HS2ST1: variants seen among roughly 807,000 people sequenced by gnomAD.
HS2ST1 encodes heparan sulfate 2-O-sulfotransferase 1, also known as 2-O-sulfotransferase.
Under a neutral mutation model 42.9 loss-of-function variants are expected in HS2ST1, and 18 were observed. The observed-to-expected ratio is 0.42, with a 90% CI of 0.29 to 0.62. The LOEUF (loss-of-function observed/expected upper bound fraction) is 0.62, where lower values mean the gene tolerates loss of function less well. Among genes scored for constraint, HS2ST1 ranks in the 20% least tolerant of loss-of-function variants. The pLI, the probability that HS2ST1 is intolerant of heterozygous loss-of-function variation, is 0.21. For synonymous variants in HS2ST1, 146 were observed against 152.9 expected (o/e 0.95, Z 0.33); for missense variants, 334 against 433.8 (o/e 0.77, Z 2.04).
At chr1:86,948,001 A>T (rs1042899606) in intron 1 of HS2ST1, among the ~76,000 whole-genome samples, 2 of 152,152 alleles carry the variant, frequency 1.3e-5, no homozygotes, top group Non-Finnish European at 2.9e-5. Flanking sequence ...GAACTTCCAA[A>T]TTTAAACTGT....
rs1233637280 is a variant in HS2ST1 at position 86,914,658 on chromosome 1, G to A, written c.-379G>A. On this transcript the variant is annotated 5_prime_UTR_variant, in exon 1 of 7. Coordinates refer to ENST00000370550, the MANE Select transcript of HS2ST1 (RefSeq NM_012262.4). ...GCGCAGCCGCAGCGCCGGTGGAGGG[G>A]CGCGCGGCCGCGAGCAAAGGAGGGA... The A allele has an allele frequency of 4.5e-6, 1 of 221,626 alleles. No individual in the cohort carries two copies. The highest frequency in any genetic ancestry group is 9.0e-6 in the Non-Finnish European group (1 of 110,674). The allele number at this position is 221,626 out of a possible 1,614,324, so 13.7% of individuals were successfully genotyped here.
At position 87,107,532 on chromosome 1, in the gene HS2ST1, C is replaced by T. The variant is rs1277351482; in HGVS notation, c.*2836C>T. 3 of 150,436 alleles carry T rather than the reference C, an allele frequency of 2.0e-5. No individual in the cohort carries two copies. Among genetic ancestry groups the T allele is most frequent in the Non-Finnish European group, 3.0e-5 (2 of 67,548 alleles). The allele number at this position is 150,436 out of a possible 1,614,324, so 9.3% of individuals were successfully genotyped here. ...GCAAATGTGGTTTTCTTTTTTCAGC[C>T]TTTGCGCTTTTTCAGTATTTTGACC... is the stretch of plus-strand genomic sequence containing the variant. On this transcript the variant is annotated 3_prime_UTR_variant, in exon 7 of 7. Coordinates refer to ENST00000370550, the MANE Select transcript of HS2ST1 (RefSeq NM_012262.4).
chr1:87,028,351 A>G (rs1650141206), intron 1 of HS2ST1, among the ~76,000 whole-genome samples: 1 of 152,208 alleles, frequency 6.6e-6, no homozygotes, highest in African/African-American at 2.4e-5. Context: ...CCTTCAAATA[A>G]TTTATGTTTT....
At chr1:86,994,149 T>C (rs754073561) in intron 1 of HS2ST1, among the ~76,000 whole-genome samples, 2 of 152,210 alleles carry the variant, frequency 1.3e-5, no homozygotes, top group Admixed American at 6.5e-5. Context: ...TGAAGCATCA[T>C]TGTACATTTA....
rs1652351918 is a variant in HS2ST1 at position 87,107,460 on chromosome 1, A to G, written c.*2764A>G. On this transcript the variant is annotated 3_prime_UTR_variant, in exon 7 of 7. Transcript: ENST00000370550. ...TAGGAGTCATAATACTTTATAATCA[A>G]TTAAATAAATAGAACCACTGAGACA... 1.3e-5 allele frequency: 2 copies of G among 152,040 alleles called. No homozygotes were observed. Among genetic ancestry groups the G allele is most frequent in the African/African-American group, 2.4e-5 (1 of 41,426 alleles). 9.4% of individuals were successfully genotyped at this position (152,040 alleles called of 1,614,324 possible).
chr1:87,069,044 A>C (rs565520862), intron 1 of HS2ST1, among the ~76,000 whole-genome samples: 1 of 152,196 alleles, frequency 6.6e-6, no homozygotes, highest in African/African-American at 2.4e-5. Context: ...GAAATAGATT[A>C]TCACAAACAT....
At chr1:86,944,542 A>G (rs148852807) in intron 1 of HS2ST1, among the ~76,000 whole-genome samples, 3,312 of 151,864 alleles carry the variant, frequency 0.022, 43 homozygotes, top group South Asian at 0.053. Context: ...TTTAGTAGAG[A>G]TGGGGTTTCA....
At chr1:86,932,103 G>A (rs1176281568) in intron 1 of HS2ST1, 1 of 151,956 alleles carries the variant, frequency 6.6e-6, no homozygotes, top group African/African-American at 2.4e-5. Flanking sequence ...GGATTAAGTT[G>A]AGTATTATAA....
rs527656142 is a variant in HS2ST1 at position 87,098,860 on chromosome 1, C to T, written c.686+925C>T. Among the ~76,000 whole-genome samples the T allele has an allele frequency of 2.6e-5, 4 of 152,314 alleles. No homozygotes were observed. In the South Asian group the frequency reaches 8.3e-4, roughly 32 times the overall value. ...GCAGGGGCACAATCTTGGCTCACTG[C>T]AACCTCCGCCTCCTGGGTTCACAAT... On this transcript the variant is annotated intron_variant, in intron 5 of 6. Transcript: ENST00000370550.
chr1:87,059,507 G>A (rs1651064842), intron 1 of HS2ST1, among the ~76,000 whole-genome samples: 1 of 152,280 alleles, frequency 6.6e-6, no homozygotes, highest in Non-Finnish European at 1.5e-5. Flanking sequence ...GGGATGATGA[G>A]ATTAATGTCT....
At chr1:87,027,010 G>A (rs2100592325) in intron 1 of HS2ST1, among the ~76,000 whole-genome samples, 2 of 152,276 alleles carry the variant, frequency 1.3e-5, no homozygotes, top group East Asian at 3.9e-4. Flanking sequence ...GTCTGAAGCA[G>A]ACTGTTGTAT....
chr1:86,981,746 G>T (rs1482076896), intron 1 of HS2ST1, among the ~76,000 whole-genome samples: 1 of 152,196 alleles, frequency 6.6e-6, no homozygotes, highest in Non-Finnish European at 1.5e-5. Context: ...CTGCTTTCCT[G>T]GGCTGGCATT....
At chr1:87,015,029 T>C (rs1199730157) in intron 1 of HS2ST1, among the ~76,000 whole-genome samples, 1 of 137,732 alleles carries the variant, frequency 7.3e-6, no homozygotes, top group African/African-American at 2.7e-5. Flanking sequence ...TAGCAGTAAC[T>C]TTGTGGGGTT....
intron 1 of HS2ST1, among the ~76,000 whole-genome samples, chr1:87,033,687 C>T (rs181905187): frequency 1.4e-3 from 210 of 152,136 alleles, no homozygotes; most frequent in South Asian, 4.8e-3. Flanking sequence ...GGATTACAGG[C>T]GCCTGCCACC....
chr1:87,077,571 G>A (rs1651577682), intron 2 of HS2ST1, among the ~76,000 whole-genome samples: 1 of 152,028 alleles, frequency 6.6e-6, no homozygotes, highest in Non-Finnish European at 1.5e-5. Flanking sequence ...GTCTTCTCTG[G>A]TACTAATCAG....
At chr1:87,063,228 G>C (rs1651161226) in intron 1 of HS2ST1, among the ~76,000 whole-genome samples, 1 of 152,034 alleles carries the variant, frequency 6.6e-6, no homozygotes, top group Admixed American at 6.6e-5. Context: ...ACTGCTGTTA[G>C]GTTCAGTAAT....
Position 87,046,360 on chromosome 1 carries a change from TAAG to T in HS2ST1, c.125-26570_125-26568del, listed in dbSNP as rs1024622999. 2.9e-4 allele frequency: 219 copies of T among 757,342 alleles called. 1 individual carries two copies. In the African/African-American group the frequency reaches 3.4e-3, roughly 12 times the overall value. 46.9% of individuals were successfully genotyped at this position (757,342 alleles called of 1,614,324 possible). Reference sequence around the variant, plus strand: ...CATTGCATCTTTTGGGCAAAGTACTTAAGAAGTATCTCCTGACAGAGCTGACCC... The same window carrying T: ...CATTGCATCTTTTGGGCAAAGTACTTAAGTATCTCCTGACAGAGCTGACCC... On this transcript the variant is annotated intron_variant, in intron 1 of 6. Transcript: ENST00000370550.
intron 1 of HS2ST1, among the ~76,000 whole-genome samples, chr1:87,035,985 C>T (rs1339660270): frequency 6.6e-6 from 1 of 152,016 alleles, no homozygotes; most frequent in African/African-American, 2.4e-5. Flanking sequence ...CTTCCACCCC[C>T]TGACAGGCCC....
intron 1 of HS2ST1, among the ~76,000 whole-genome samples, chr1:86,918,098 A>G (rs1434884711): frequency 1.3e-5 from 2 of 152,146 alleles, no homozygotes; most frequent in African/African-American, 4.8e-5. Flanking sequence ...GCTTTAATAT[A>G]CCTTGATTTG....
Sources: gnomAD v4.1 joint callset for allele counts (sites outside exome capture counted in the v4.1 genomes callset) on GRCh38, gnomAD v4.1.1 for gene constraint, MANE v1.5 for transcripts, NCBI Gene and HGNC (gene_info 2026-07-23, HGNC 2026-07-21) for gene names.